PCDH15: variants seen among roughly 807,000 people sequenced by gnomAD.
PCDH15 encodes the protein protocadherin related 15, also known as protocadherin-15.
A neutral mutation model predicts 178.5 loss-of-function variants in PCDH15; 129 were observed. The observed-to-expected ratio is 0.72, with a 90% confidence interval of 0.63 to 0.84. The LOEUF (loss-of-function observed/expected upper bound fraction) is 0.84, where lower values mean the gene tolerates loss of function less well. Ranked by LOEUF, PCDH15 falls within the 40% of genes least tolerant of loss-of-function variation. The pLI is 0.00. For missense variants in PCDH15, 2,230 were observed against 2,099.9 expected, an observed-to-expected ratio of 1.06 and a Z score of -1.21; for synonymous variants, 800 against 732.0, an observed-to-expected ratio of 1.09 and a Z score of -1.50.
intron 22 of PCDH15, among the ~76,000 whole-genome samples, chr10:53,961,237 T>C (rs2088275262): frequency 2.6e-5 from 4 of 151,876 alleles, no homozygotes; most frequent in Non-Finnish European, 5.9e-5. Flanking sequence ...TATATCAATC[T>C]TATCTTAAAA....
intron 2 of PCDH15, among the ~76,000 whole-genome samples, chr10:55,393,350 T>C (rs920463744): frequency 7.9e-5 from 12 of 152,156 alleles, no homozygotes; most frequent in Admixed American, 6.6e-5. Flanking sequence ...TAGGAACTAC[T>C]GACTCAGAAT....
intron 23 of PCDH15, among the ~76,000 whole-genome samples, chr10:53,949,009 G>A (rs1370765829): frequency 6.6e-6 from 1 of 152,148 alleles, no homozygotes; most frequent in Non-Finnish European, 1.5e-5. Flanking sequence ...TCTTTGTATT[G>A]AAAAGTTTGT....
At chr10:54,674,161 G>T (rs1254516992) in intron 1 of PCDH15, among the ~76,000 whole-genome samples, 1 of 152,024 alleles carries the variant, frequency 6.6e-6, no homozygotes, top group Admixed American at 6.5e-5. Flanking sequence ...GGATTTTTTA[G>T]GTAAGGTCTT....
chr10:55,239,581 A>G (rs777839950), intron 1 of PCDH15, among the ~76,000 whole-genome samples: 11 of 152,194 alleles, frequency 7.2e-5, no homozygotes, highest in Non-Finnish European at 1.3e-4. Flanking sequence ...ACCTTGAACT[A>G]TGAAACTAGA....
rs368358700 is a variant in PCDH15, at chr10:53,975,727, T to TTACTTTGTTGATAG, written c.2869-13849_2869-13836dup. 9.7e-3 allele frequency among the ~76,000 whole-genome samples: 1,479 copies of TTACTTTGTTGATAG among 152,256 alleles called. 30 individuals are homozygous for TTACTTTGTTGATAG. Among genetic ancestry groups the TTACTTTGTTGATAG allele is most frequent in the African/African-American group, 0.034 (1,423 of 41,544 alleles). On this transcript the variant is annotated intron_variant, in intron 21 of 37. Transcript: ENST00000644397. ...TTCTCTTATTCTATAGGTTGTCTGT[T>TTACTTTGTTGATAG]TACTTTGTTGATAGTCTCTTCGCTG...
chr10:54,685,352 A>C (rs1395305143), intron 1 of PCDH15, among the ~76,000 whole-genome samples: 1 of 152,146 alleles, frequency 6.6e-6, no homozygotes, highest in Non-Finnish European at 1.5e-5. Context: ...TAATATAATC[A>C]TTTGCTATCG....
At chr10:54,305,718 C>A (rs2060424614) in intron 8 of PCDH15, among the ~76,000 whole-genome samples, 3 of 151,806 alleles carry the variant, frequency 2.0e-5, no homozygotes, top group South Asian at 4.1e-4. Context: ...CTTGAGGGAA[C>A]CTATTACAGA....
At chr10:54,535,762 A>C (rs981332047) in intron 2 of PCDH15, among the ~76,000 whole-genome samples, 4 of 151,196 alleles carry the variant, frequency 2.6e-5, no homozygotes, top group Non-Finnish European at 5.9e-5. Flanking sequence ...GGGCTTTAGG[A>C]AAAAGGCAGA....
intron 3 of PCDH15, among the ~76,000 whole-genome samples, chr10:54,517,637 C>T (rs563742934): frequency 6.6e-4 from 100 of 152,180 alleles, no homozygotes; most frequent in African/African-American, 2.2e-3. Flanking sequence ...CCACTGTCAA[C>T]ATTAGACAGA....
chr10:54,413,757 T>C (rs1302808052), intron 3 of PCDH15, among the ~76,000 whole-genome samples: 2 of 152,186 alleles, frequency 1.3e-5, no homozygotes, highest in East Asian at 1.9e-4. Context: ...GTATACATTA[T>C]TCAGCTCCCA....
chr10:55,151,416 T>A (rs527299839), intron 2 of PCDH15, among the ~76,000 whole-genome samples: 23 of 152,162 alleles, frequency 1.5e-4, no homozygotes, highest in African/African-American at 5.5e-4. Flanking sequence ...TATGAAAGTT[T>A]TAAAAATTGA....
At chr10:54,986,507 G>A (rs954533460) in intron 2 of PCDH15, among the ~76,000 whole-genome samples, 6 of 152,250 alleles carry the variant, frequency 3.9e-5, no homozygotes, top group African/African-American at 1.4e-4. Flanking sequence ...TTATTTAGCA[G>A]GAGTGAGAGA....
At chr10:54,614,616 A>G (rs1032367294) in intron 2 of PCDH15, among the ~76,000 whole-genome samples, 1 of 152,012 alleles carries the variant, frequency 6.6e-6, no homozygotes, top group African/African-American at 2.4e-5. Context: ...TTTAAACATA[A>G]TAAACACTAA....
At chr10:54,932,653 C>G (rs1489178885) in intron 2 of PCDH15, among the ~76,000 whole-genome samples, 2 of 152,062 alleles carry the variant, frequency 1.3e-5, no homozygotes, top group Non-Finnish European at 2.9e-5. Flanking sequence ...CCTCCTGTCT[C>G]AGCCTCCTGA....
intron 2 of PCDH15, among the ~76,000 whole-genome samples, chr10:55,076,662 T>C (rs564827706): frequency 1.3e-5 from 2 of 151,932 alleles, no homozygotes; most frequent in East Asian, 1.9e-4. Context: ...TTTCACCATG[T>C]TGCCTAGGCT....
intron 3 of PCDH15, among the ~76,000 whole-genome samples, chr10:54,412,353 AATAGCTTTTGCAAGAG>A (rs547117929): frequency 6.6e-6 from 1 of 151,950 alleles, no homozygotes; most frequent in Non-Finnish European, 1.5e-5. Flanking sequence ...ACATCTTTAA[AATAGCTTTTGCAAGAG>A]ATGTTTCACA....
At chr10:54,188,701 C>G (rs1190897067) in intron 11 of PCDH15, among the ~76,000 whole-genome samples, 1 of 151,770 alleles carries the variant, frequency 6.6e-6, no homozygotes, top group Non-Finnish European at 1.5e-5. Flanking sequence ...AACAAGCATT[C>G]TATCATATAA....
chr10:54,130,867 C>T (rs756315963), intron 15 of PCDH15, among the ~76,000 whole-genome samples: 17 of 152,106 alleles, frequency 1.1e-4, no homozygotes, highest in African/African-American at 3.1e-4. Flanking sequence ...AGTAATTTGA[C>T]GGGAGCTTTT....
chr10:55,600,038 C>A (rs1843037633), intron 2 of PCDH15: 11 of 1,149,398 alleles, frequency 9.6e-6, no homozygotes, highest in Non-Finnish European at 1.2e-5. Context: ...AACAAGCCAA[C>A]AGGCCCCAAT....
Sources: gnomAD v4.1 joint callset for allele counts (sites outside exome capture counted in the v4.1 genomes callset) on GRCh38, gnomAD v4.1.1 for gene constraint, MANE v1.5 for transcripts, NCBI Gene and HGNC (gene_info 2026-07-23, HGNC 2026-07-21) for gene names.